TRIP12: variants seen among roughly 807,000 people sequenced by gnomAD.
TRIP12 encodes thyroid hormone receptor interactor 12, also known as E3 ubiquitin-protein ligase TRIP12.
A neutral mutation model predicts 244.2 loss-of-function variants in TRIP12; 25 were observed. That is an observed-to-expected ratio of 0.10 (90% CI 0.07 to 0.14). The LOEUF (loss-of-function observed/expected upper bound fraction) is 0.14, where lower values mean the gene tolerates loss of function less well. Among genes scored for constraint, TRIP12 ranks in the 10% least tolerant of loss-of-function variants. The pLI is 1.00. For missense variants in TRIP12, 1,677 were observed against 2,486.4 expected (o/e 0.67, Z 6.92); for synonymous variants, 905 against 873.1 (o/e 1.04, Z -0.64).
At chr2:229,821,422 C>A (rs1319882557) in intron 8 of TRIP12, among the ~76,000 whole-genome samples, 1 of 152,192 alleles carries the variant, frequency 6.6e-6, no homozygotes, top group African/African-American at 2.4e-5. Flanking sequence ...GGAAAACGTT[C>A]TCTTTCAAGG....
At chr2:229,793,824 G>T (rs895846551) in intron 26 of TRIP12, among the ~76,000 whole-genome samples, 2 of 150,920 alleles carry the variant, frequency 1.3e-5, no homozygotes, top group African/African-American at 4.9e-5. Flanking sequence ...ACATAAATTC[G>T]TAAACTTTCT....
chr2:229,890,367 T>C (rs2067044692), intron 1 of TRIP12, among the ~76,000 whole-genome samples: 2 of 152,214 alleles, frequency 1.3e-5, no homozygotes, highest in African/African-American at 2.4e-5. Flanking sequence ...CCCAAGGTGC[T>C]GGGATTACAG....
chr2:229,824,321 A>C (rs2050902262), intron 8 of TRIP12, among the ~76,000 whole-genome samples: 1 of 152,202 alleles, frequency 6.6e-6, no homozygotes, highest in African/African-American at 2.4e-5. Context: ...TTGATACCAT[A>C]CTACTGTCAT....
At chr2:229,870,984 C>T (rs2062463863) in intron 2 of TRIP12, among the ~76,000 whole-genome samples, 1 of 151,924 alleles carries the variant, frequency 6.6e-6, no homozygotes, top group South Asian at 2.1e-4. Flanking sequence ...TGTGGTGGAA[C>T]CCTGTGTCTA....
Position 229,764,162 on chromosome 2 carries a change from C to T in TRIP12, c.*3392G>A, listed in dbSNP as rs927513128. On this transcript the variant is annotated 3_prime_UTR_variant, in exon 42 of 42. Coordinates refer to ENST00000675903, the MANE Select transcript of TRIP12 (RefSeq NM_001348323.3). ...TGAAGTTCTTGGAAAACAGCCAATC[C>T]TGTTTTCTATATTTATAAATGCTAT... 4.6e-5 allele frequency: 7 copies of T among 152,030 alleles called. No homozygotes were observed. Among genetic ancestry groups the T allele is most frequent in the Non-Finnish European group, 1.0e-4 (7 of 67,984 alleles). 9.4% of individuals were successfully genotyped at this position (152,030 alleles called of 1,614,324 possible). A position where few individuals can be genotyped will look rare whatever the true frequency, so the allele number is the denominator to read the frequency against.
At chr2:229,800,229 A>T (rs900043426) in intron 21 of TRIP12, among the ~76,000 whole-genome samples, 5 of 152,226 alleles carry the variant, frequency 3.3e-5, no homozygotes, top group African/African-American at 1.2e-4. Flanking sequence ...TGCATTTATG[A>T]ACATTTTAGT....
At chr2:229,837,563 G>A (rs1353706720) in intron 5 of TRIP12, among the ~76,000 whole-genome samples, 1 of 152,112 alleles carries the variant, frequency 6.6e-6, no homozygotes, top group African/African-American at 2.4e-5. Flanking sequence ...GAACCCGGGA[G>A]GCGGAGGTTG....
chr2:229,847,502 C>T (rs1233125771), intron 4 of TRIP12, among the ~76,000 whole-genome samples: 1 of 152,204 alleles, frequency 6.6e-6, no homozygotes, highest in Non-Finnish European at 1.5e-5. Flanking sequence ...AGCATTAAAA[C>T]AATCTGAGAC....
intron 4 of TRIP12, among the ~76,000 whole-genome samples, chr2:229,847,249 G>A (rs2057755739): frequency 6.6e-6 from 1 of 152,202 alleles, no homozygotes; most frequent in African/African-American, 2.4e-5. Flanking sequence ...GACAAATAAT[G>A]CACTTTTGTT....
chr2:229,864,047 A>AGAGAGTGAGTGTGTGT lies in TRIP12; in HGVS notation c.99-3517_99-3516insACACACACTCACTCTC. On this transcript the variant is annotated intron_variant, in intron 2 of 41. Transcript: ENST00000675903. ...GAGAGAGAGAGAGAGAGAGAGAGAG[A>AGAGAGTGAGTGTGTGT]GTGTGTGTGTGTGTGTGTGTGTGTG... Among the ~76,000 whole-genome samples the AGAGAGTGAGTGTGTGT allele has an allele frequency of 1.2e-3, 94 of 79,294 alleles. 1 individual carries two copies. Among genetic ancestry groups the AGAGAGTGAGTGTGTGT allele is most frequent in the South Asian group, 4.6e-3 (9 of 1,948 alleles). 52.0% of individuals were successfully genotyped at this position (79,294 alleles called of 152,430 possible).
At chr2:229,799,530 A>G in intron 21 of TRIP12, 147 bp from the exon 22 acceptor site, 3 of 672,642 alleles carry the variant, frequency 4.5e-6, no homozygotes, top group Admixed American at 4.6e-5. Context: ...TAATCCCAGC[A>G]CTTTGGGAGG....
chr2:229,789,206 C>T (rs2040817822), intron 31 of TRIP12, among the ~76,000 whole-genome samples: 1 of 152,188 alleles, frequency 6.6e-6, no homozygotes, highest in South Asian at 2.1e-4. Context: ...AGTGATGTTG[C>T]AGCTAATGTT....
Position 229,769,445 on chromosome 2 carries a change from G to A in TRIP12, c.5809-120C>T, listed in dbSNP as rs545224030. On this transcript the variant is annotated intron_variant, in intron 39 of 41. Coordinates refer to ENST00000675903, the MANE Select transcript of TRIP12 (RefSeq NM_001348323.3). ...GTCTCAGTACTAAAACCTTCTGCTT[G>A]GGACCTCTTTCCAAAAAAAAAAAAA... 9 of 570,790 alleles carry A rather than the reference G, an allele frequency of 1.6e-5. No homozygotes were observed. The South Asian group carries it at 3.9e-4, about 25-fold the overall frequency. The allele number at this position is 570,790 out of a possible 1,614,324, so 35.4% of individuals were successfully genotyped here.
chr2:229,838,360 C>A (rs2055384319), intron 5 of TRIP12, among the ~76,000 whole-genome samples: 3 of 152,182 alleles, frequency 2.0e-5, no homozygotes. Context: ...AGGAGTGCTA[C>A]TCTAAAGAGA....
Position 229,859,011 on chromosome 2 carries a change from C to G in TRIP12, c.788G>C (p.Arg263Thr). 1 of 1,614,198 alleles carries G rather than the reference C, an allele frequency of 6.2e-7. No individual in the cohort carries two copies. The highest frequency in any genetic ancestry group is 1.1e-5 in the South Asian group (1 of 91,084). The change falls in exon 4 of 42, where the codon AGA (arginine) becomes ACA (threonine). Residue 263 changes from arginine to threonine, a missense_variant. By Grantham distance (71) the Arg-to-Thr change is moderately conservative. Around this residue, in one of 11 missense-constraint regions of TRIP12, gnomAD observed 387 missense variants for 392.6 expected, o/e 0.99. Coordinates refer to ENST00000675903, the MANE Select transcript of TRIP12 (RefSeq NM_001348323.3). ...SASSTVPPGA[R>T]VKQGKDQNKA... is the part of the protein sequence containing the mutation. Reference sequence around the variant, plus strand: ...GTTCTGATCTTTTCCTTGTTTCACTCTGGCACCTGGTGGTACAGTGGAGGA... The same window carrying G: ...GTTCTGATCTTTTCCTTGTTTCACTGTGGCACCTGGTGGTACAGTGGAGGA...
At chr2:229,839,008 C>T (rs919683279) in intron 5 of TRIP12, among the ~76,000 whole-genome samples, 1 of 152,170 alleles carries the variant, frequency 6.6e-6, no homozygotes. Flanking sequence ...AATCATTCCC[C>T]CCTGCATTAC....
chr2:229,803,315 T>C lies in TRIP12; in HGVS notation c.2998+256A>G, dbSNP rs138002783. On this transcript the variant is annotated intron_variant, in intron 20 of 41. Coordinates refer to ENST00000675903, the MANE Select transcript of TRIP12 (RefSeq NM_001348323.3). ...TTTTCTTAAAGACTGGGTTTCACCA[T>C]GTTGGCCAGGCTGGTCTCCAACTCC... Among the ~76,000 whole-genome samples the C allele has an allele frequency of 3.1e-4, 47 of 152,358 alleles. No homozygotes were observed. The East Asian group carries it at 8.9e-3, about 29-fold the overall frequency.
chr2:229,870,431 G>GGA (rs1232214295), intron 2 of TRIP12, among the ~76,000 whole-genome samples: 1 of 152,168 alleles, frequency 6.6e-6, no homozygotes, highest in Non-Finnish European at 1.5e-5. Flanking sequence ...TGAACAGAGA[G>GGA]GAGGCAGCCA....
Position 229,859,276 on chromosome 2 carries a change from C to A in TRIP12, c.523G>T (p.Ala175Ser). The change falls in exon 4 of 42, where the codon GCT becomes TCT. Residue 175 changes from alanine (A) to serine (S), a missense_variant. Ala to Ser is a moderately conservative substitution (Grantham distance 99). Around this residue, in one of 11 missense-constraint regions of TRIP12, gnomAD observed 387 missense variants for 392.6 expected, o/e 0.99. Coordinates refer to ENST00000675903, the MANE Select transcript of TRIP12 (RefSeq NM_001348323.3). ...GTGGCCCCACTCTTCCTGGTATGAG[C>A]CTTGCTTGTTGATGGTGATTGTGCA... ...KSAQSPSTSK[A>S]HTRKSGATGG... The A allele has an allele frequency of 2.5e-6, 4 of 1,614,178 alleles. No individual in the cohort carries two copies. Among genetic ancestry groups the A allele is most frequent in the Non-Finnish European group, 3.4e-6 (4 of 1,180,028 alleles).
Sources: gnomAD v4.1 joint callset for allele counts (sites outside exome capture counted in the v4.1 genomes callset) on GRCh38, gnomAD v4.1.1 for gene constraint, gnomAD v4.1.1 regional missense constraint, MANE v1.5 for transcripts, NCBI Gene and HGNC (gene_info 2026-07-23, HGNC 2026-07-21) for gene names.